Variants in TENM2 observed in about 807,000 individuals in gnomAD.
The protein encoded by TENM2 is teneurin-2.
In TENM2, 52 loss-of-function variants were observed where a neutral mutation model predicts 245.2. That is an observed-to-expected ratio of 0.21 (90% confidence interval 0.17 to 0.27). TENM2 has a LOEUF of 0.27. Ranked by LOEUF, TENM2 falls within the 10% of genes least tolerant of loss-of-function variation. The pLI is 1.00. For missense variants in TENM2, 3,046 were observed against 3,666.8 expected (o/e 0.83, Z 4.37); for synonymous variants, 1,363 against 1,438.9 (o/e 0.95, Z 1.19).
the TENM2 span, among the ~76,000 whole-genome samples, chr5:167,114,184 T>A: frequency 1.4e-4 from 22 of 152,374 alleles, no homozygotes; most frequent in Middle Eastern, 3.4e-3. Context: ...CTGTCTCTCA[T>A]GCATTCATCC....
chr5:168,233,334 A>G (rs936174365), intron 25 of TENM2, among the ~76,000 whole-genome samples: 3 of 152,170 alleles, frequency 2.0e-5, no homozygotes, highest in Non-Finnish European at 4.4e-5. Context: ...TCAAAAAAAA[A>G]AGAAGCAGTT....
chr5:167,355,203 TG>T (rs1367801189), intron 1 of TENM2, among the ~76,000 whole-genome samples: 7 of 152,150 alleles, frequency 4.6e-5, no homozygotes, highest in Non-Finnish European at 1.0e-4. Context: ...GTGGTGCCCG[TG>T]GGTCTGTGTG....
At chr5:167,540,111 T>A (rs1441949701) in intron 2 of TENM2, among the ~76,000 whole-genome samples, 1 of 152,098 alleles carries the variant, frequency 6.6e-6, no homozygotes, top group East Asian at 1.9e-4. Flanking sequence ...ATCGTTGGAG[T>A]AAATTTAGGC....
At chr5:167,196,917 C>T in the TENM2 span, among the ~76,000 whole-genome samples, 1 of 151,696 alleles carries the variant, frequency 6.6e-6, no homozygotes, top group African/African-American at 2.4e-5. Flanking sequence ...TAATCTCCAG[C>T]GAGTACTGAG....
At chr5:168,071,319 CCAAA>C (rs976654833) in intron 7 of TENM2, among the ~76,000 whole-genome samples, 6 of 152,142 alleles carry the variant, frequency 3.9e-5, no homozygotes, top group South Asian at 2.1e-4. Flanking sequence ...ACACACAACC[CCAAA>C]CAAACAAAAC....
chr5:167,738,338 C>T (rs1353300138), intron 2 of TENM2, among the ~76,000 whole-genome samples: 1 of 152,206 alleles, frequency 6.6e-6, no homozygotes, highest in Non-Finnish European at 1.5e-5. Flanking sequence ...AGCTTTCTCA[C>T]ACTTCTGATA....
intron 27 of TENM2, among the ~76,000 whole-genome samples, chr5:168,253,961 C>A (rs982899625): frequency 2.6e-5 from 4 of 152,216 alleles, no homozygotes; most frequent in Admixed American, 2.0e-4. Flanking sequence ...TCCCCTATCC[C>A]TTTCTCCCTG....
chr5:167,148,185 C>T, the TENM2 span, among the ~76,000 whole-genome samples: 1 of 152,192 alleles, frequency 6.6e-6, no homozygotes, highest in Non-Finnish European at 1.5e-5. Flanking sequence ...CCCTGTGGCT[C>T]ACCCTGCATT....
the TENM2 span, among the ~76,000 whole-genome samples, chr5:167,091,149 C>T: frequency 1.3e-5 from 2 of 151,900 alleles, no homozygotes; most frequent in African/African-American, 4.8e-5. Context: ...AAATACAGCT[C>T]TGATAACCAG....
Position 167,731,565 on chromosome 5 carries a change from AT to A in TENM2, c.503-144411del, listed in dbSNP as rs112353111. Among the ~76,000 whole-genome samples the A allele has an allele frequency of 9.6e-4, 143 of 148,980 alleles. 2 individuals carry two copies. The highest frequency in any genetic ancestry group is 6.3e-3 in the East Asian group (32 of 5,068). On this transcript the variant is annotated intron_variant, in intron 2 of 28. Transcript: ENST00000518659. ...GTTTAGTTTTCTTTGTAACAAAAGC[AT>A]TTTTTTTTTATTTAACCTATTTTAT...
chr5:167,495,314 C>G (rs999034729), intron 2 of TENM2, among the ~76,000 whole-genome samples: 4 of 150,270 alleles, frequency 2.7e-5, no homozygotes, highest in African/African-American at 9.8e-5. Flanking sequence ...AATTTGGCAA[C>G]AGCAAAATGG....
At chr5:166,997,517 A>G in the TENM2 span, among the ~76,000 whole-genome samples, 1 of 152,224 alleles carries the variant, frequency 6.6e-6, no homozygotes, top group East Asian at 1.9e-4. Context: ...TACATACAGC[A>G]TATTTTATAA....
chr5:167,250,616 T>C, the TENM2 span, among the ~76,000 whole-genome samples: 5 of 152,096 alleles, frequency 3.3e-5, no homozygotes, highest in Admixed American at 6.5e-5. Flanking sequence ...GTCTGACAGG[T>C]ATTACAAACT....
chr5:167,176,341 C>T, the TENM2 span, among the ~76,000 whole-genome samples: 1 of 152,148 alleles, frequency 6.6e-6, no homozygotes, highest in Non-Finnish European at 1.5e-5. Context: ...TGAAGCTTTT[C>T]TTGAACCATC....
At chr5:167,333,004 G>T (rs2127794768) in intron 1 of TENM2, among the ~76,000 whole-genome samples, 1 of 152,182 alleles carries the variant, frequency 6.6e-6, no homozygotes, top group East Asian at 1.9e-4. Flanking sequence ...AGGTAAAGGG[G>T]AATTAAAGAA....
At chr5:168,136,240 C>A (rs918259016) in intron 12 of TENM2, among the ~76,000 whole-genome samples, 1 of 152,116 alleles carries the variant, frequency 6.6e-6, no homozygotes, top group African/African-American at 2.4e-5. Context: ...GAGTGTGTCC[C>A]ACAAATAAGG....
chr5:167,400,751 A>G (rs1201243081), intron 2 of TENM2, among the ~76,000 whole-genome samples: 1 of 152,140 alleles, frequency 6.6e-6, no homozygotes, highest in Non-Finnish European at 1.5e-5. Flanking sequence ...TACTCAGAGA[A>G]TAGAAGGGTG....
At chr5:168,154,475 T>A (rs1756975245) in intron 12 of TENM2, among the ~76,000 whole-genome samples, 2 of 152,186 alleles carry the variant, frequency 1.3e-5, no homozygotes, top group Admixed American at 1.3e-4. Context: ...TCCACCCGCC[T>A]CAACCTCCCA....
intron 1 of TENM2, among the ~76,000 whole-genome samples, chr5:167,352,452 A>T (rs1268807625): frequency 1.3e-5 from 2 of 152,224 alleles, no homozygotes; most frequent in Non-Finnish European, 2.9e-5. Flanking sequence ...GTCTTTGATT[A>T]TTCTTCAATC....
Sources: gnomAD v4.1 joint callset for allele counts (sites outside exome capture counted in the v4.1 genomes callset) on GRCh38, gnomAD v4.1.1 for gene constraint, MANE v1.5 for transcripts, NCBI Gene and HGNC (gene_info 2026-07-23, HGNC 2026-07-21) for gene names.